PARD3: variants seen among roughly 807,000 people sequenced by gnomAD.
The protein encoded by PARD3 is partitioning defective 3 homolog.
In PARD3, 75 loss-of-function variants were observed where a neutral mutation model predicts 155.4. The observed-to-expected ratio is 0.48, with a 90% CI of 0.40 to 0.58. PARD3 has a LOEUF of 0.58. Among genes scored for constraint, PARD3 ranks in the 20% least tolerant of loss-of-function variants. The pLI is 0.00. For missense variants in PARD3, 1,642 were observed against 1,721.7 expected, an observed-to-expected ratio of 0.95 and a Z score of 0.82; for synonymous variants, 576 against 610.5, an observed-to-expected ratio of 0.94 and a Z score of 0.83.
At chr10:34,161,766 T>A (rs1293366266) in intron 22 of PARD3, among the ~76,000 whole-genome samples, 4 of 152,056 alleles carry the variant, frequency 2.6e-5, no homozygotes, top group African/African-American at 9.7e-5. Context: ...CCCAACCCAT[T>A]CATTAAAGAT....
chr10:34,258,135 C>A (rs1954755227), intron 22 of PARD3, among the ~76,000 whole-genome samples: 2 of 152,186 alleles, frequency 1.3e-5, no homozygotes, highest in Admixed American at 1.3e-4. Flanking sequence ...CCCGTAAACA[C>A]CATACTGAGG....
At chr10:34,750,465 ACACAC>A (rs1835867307) in intron 1 of PARD3, among the ~76,000 whole-genome samples, 1 of 8,930 alleles carries the variant, frequency 1.1e-4, no homozygotes, top group African/African-American at 3.1e-4. Context: ...TCTTTCAAAC[ACACAC>A]ACACACACAC....
At chr10:34,119,768 T>C (rs1167429657) in intron 23 of PARD3, 28 bp from the exon 24 acceptor site, 1 of 1,603,928 alleles carries the variant, frequency 6.2e-7, no homozygotes, top group Admixed American at 1.7e-5. Context: ...AAGCACATCG[T>C]TAACCAGAAA....
intron 22 of PARD3, among the ~76,000 whole-genome samples, chr10:34,170,797 A>T (rs1245257306): frequency 6.6e-6 from 1 of 152,218 alleles, no homozygotes; most frequent in African/African-American, 2.4e-5. Flanking sequence ...CATCTAGACT[A>T]GTTCTATTTG....
intron 2 of PARD3, among the ~76,000 whole-genome samples, chr10:34,544,514 C>A (rs2083891283): frequency 6.6e-6 from 1 of 152,156 alleles, no homozygotes; most frequent in Non-Finnish European, 1.5e-5. Flanking sequence ...CAAAATAACA[C>A]CTGCCTTTAT....
At chr10:34,467,650 G>A (rs1166805097) in intron 4 of PARD3, among the ~76,000 whole-genome samples, 5 of 151,530 alleles carry the variant, frequency 3.3e-5, no homozygotes, top group African/African-American at 7.3e-5. Flanking sequence ...GGGAGGCTGA[G>A]GCAGGAGAAT....
intron 7 of PARD3, among the ~76,000 whole-genome samples, chr10:34,392,207 G>A (rs76251777): frequency 0.041 from 6,198 of 152,118 alleles, 407 homozygotes; most frequent in African/African-American, 0.14. Flanking sequence ...TTCTCTTAGA[G>A]ATGTGATTTC....
At chr10:34,807,423 G>A (rs1843545879) in intron 1 of PARD3, among the ~76,000 whole-genome samples, 1 of 152,130 alleles carries the variant, frequency 6.6e-6, no homozygotes, top group African/African-American at 2.4e-5. Flanking sequence ...TCCATTGAAA[G>A]TATACACTTG....
Position 34,337,276 on chromosome 10 carries a change from A to G in PARD3, c.2559T>C (p.Gly853=). ...AAGATTCATGGAGATTGTACTCACT[A>G]CCTAAATCCATGCTTTTTGATTTTC... ...KTRKSKSMDL[G]IADETKLNTV... Residue 853 remains glycine (G), a splice_region_variant and synonymous_variant, in exon 17 of 25, where the codon GGT becomes GGC. Coordinates refer to ENST00000374788, the MANE Select transcript of PARD3 (RefSeq NM_001184785.2). The G allele has an allele frequency of 6.3e-7, 1 of 1,583,830 alleles. No individual in the cohort carries two copies. The highest frequency in any genetic ancestry group is 1.2e-5 in the South Asian group (1 of 86,770).
intron 1 of PARD3, among the ~76,000 whole-genome samples, chr10:34,786,436 C>T (rs1840971758): frequency 6.6e-6 from 1 of 152,192 alleles, no homozygotes; most frequent in African/African-American, 2.4e-5. Flanking sequence ...TGTTAAAATA[C>T]ATATTTTACA....
chr10:34,184,626 G>A (rs576609035), intron 22 of PARD3, among the ~76,000 whole-genome samples: 2 of 150,924 alleles, frequency 1.3e-5, no homozygotes, highest in South Asian at 4.2e-4. Context: ...GTCTTCCTCT[G>A]TTCAAGGGAT....
At chr10:34,487,994 T>G (rs1457818599) in intron 3 of PARD3, among the ~76,000 whole-genome samples, 1 of 152,232 alleles carries the variant, frequency 6.6e-6, no homozygotes, top group African/African-American at 2.4e-5. Context: ...TCAAGCATTA[T>G]TCCCCCATTT....
chr10:34,173,064 C>T (rs1369089594), intron 22 of PARD3, among the ~76,000 whole-genome samples: 4 of 152,240 alleles, frequency 2.6e-5, no homozygotes, highest in African/African-American at 2.4e-5. Context: ...CTTTGTTTAC[C>T]GCATGACTAA....
At chr10:34,604,476 T>G (rs942493022) in intron 2 of PARD3, among the ~76,000 whole-genome samples, 1 of 151,966 alleles carries the variant, frequency 6.6e-6, no homozygotes, top group Non-Finnish European at 1.5e-5. Context: ...TCTTCCGTTT[T>G]GGGACTCTGG....
At chr10:34,512,914 C>T (rs1045247254) in intron 3 of PARD3, among the ~76,000 whole-genome samples, 2 of 152,124 alleles carry the variant, frequency 1.3e-5, no homozygotes, top group African/African-American at 2.4e-5. Flanking sequence ...ACAATACCAA[C>T]GACAAACAGT....
intron 23 of PARD3, among the ~76,000 whole-genome samples, chr10:34,125,507 G>A (rs1305354137): frequency 6.6e-6 from 1 of 152,214 alleles, no homozygotes; most frequent in Non-Finnish European, 1.5e-5. Flanking sequence ...TACTTTTTAA[G>A]TCTTAAAAAA....
At chr10:34,665,096 T>A (rs114359136) in intron 2 of PARD3, among the ~76,000 whole-genome samples, 1,998 of 152,128 alleles carry the variant, frequency 0.013, 50 homozygotes, top group African/African-American at 0.045. Flanking sequence ...AAGTTTTTTT[T>A]AAAATAAAAA....
intron 22 of PARD3, among the ~76,000 whole-genome samples, chr10:34,183,397 C>G (rs1467331009): frequency 1.3e-5 from 2 of 152,162 alleles, no homozygotes; most frequent in Non-Finnish European, 2.9e-5. Context: ...AAAAGGACTT[C>G]TTGATAAGGG....
At chr10:34,261,772 G>GGAAGAAAGA (rs1954998667) in intron 22 of PARD3, among the ~76,000 whole-genome samples, 1 of 84,090 alleles carries the variant, frequency 1.2e-5, no homozygotes. Context: ...AAGGAAGGAA[G>GGAAGAAAGA]AAAGAAAGAA....
Sources: allele counts gnomAD v4.1 joint callset (sites outside exome capture counted in the v4.1 genomes callset), GRCh38; gene constraint gnomAD v4.1.1; transcripts MANE v1.5; gene names NCBI Gene and HGNC (gene_info 2026-07-23, HGNC 2026-07-21).